The following GTPBP1 variants were observed in gnomAD, a reference collection of about 807,000 sequenced individuals.
GTPBP1 encodes GTP binding protein 1, also known as GTP-binding protein 1.
GTPBP1 carries 23 observed loss-of-function variants against 62.0 expected under a neutral mutation model. The ratio of observed to expected loss-of-function variants is 0.37; its 90% CI spans 0.27 to 0.53. GTPBP1 has a LOEUF of 0.53. Ranked by LOEUF, GTPBP1 falls within the 20% of genes least tolerant of loss-of-function variation. GTPBP1 has a pLI of 0.89. For missense variants in GTPBP1, 640 were observed against 917.3 expected (o/e 0.70, Z 3.90); for synonymous variants, 344 against 364.4 (o/e 0.94, Z 0.64).
At chr22:38,738,293 A>AG, downstream of GTPBP1, 1 of 1,596,096 alleles carries the variant, frequency 6.3e-7, no homozygotes, top group Non-Finnish European at 8.6e-7. This position sits in a 1 kb window ranked among gnomAD's most constrained non-coding sequence, Gnocchi z 6.6. Flanking sequence ...GGAAGTGGGG[A>AG]GGGGCTGGAG....
At chr22:38,723,033 G>C in intron 5 of GTPBP1, 1 of 797,386 alleles carries the variant, frequency 1.3e-6, no homozygotes, top group Non-Finnish European at 2.3e-6. Flanking sequence ...GACAAGAGTG[G>C]GATGTTCATG....
intron 10 of GTPBP1, chr22:38,728,960 T>G (rs1397710596): frequency 6.5e-6 from 1 of 153,086 alleles, no homozygotes; most frequent in Non-Finnish European, 1.5e-5. Context: ...CTTGGTCTCT[T>G]CGGGAGGCCC....
rs1430393989 is a variant in GTPBP1 at position 38,716,242 on chromosome 22, T to C, written c.485+155T>C. ...AGACGTGGGCTCCTTGCTCTAATTCTGCACTTCCCTGTCACTTTGGGAAGA... is the reference window on the plus strand; with the variant it reads ...AGACGTGGGCTCCTTGCTCTAATTCCGCACTTCCCTGTCACTTTGGGAAGA... On this transcript the variant is annotated intron_variant, in intron 3 of 11. Coordinates refer to ENST00000216044, the MANE Select transcript of GTPBP1 (RefSeq NM_004286.5). The surrounding 1 kb of genome is among the most constrained non-coding windows in gnomAD (Gnocchi z 5.2). The C allele has an allele frequency of 1.5e-6, 1 of 648,880 alleles. No homozygotes were observed. Among genetic ancestry groups the C allele is most frequent in the East Asian group, 2.8e-5 (1 of 36,092 alleles). 40.2% of individuals were successfully genotyped at this position (648,880 alleles called of 1,614,324 possible).
chr22:38,717,786 G>A (rs914485815), intron 4 of GTPBP1, among the ~76,000 whole-genome samples: 1 of 152,174 alleles, frequency 6.6e-6, no homozygotes, highest in African/African-American at 2.4e-5. Context: ...GCTGAGGGGA[G>A]CGGCAAGGCC....
chr22:38,722,710 G>A, intron 5 of GTPBP1: 13 of 1,598,222 alleles, frequency 8.1e-6, no homozygotes, highest in Non-Finnish European at 1.1e-5. Flanking sequence ...TTCTTCTCTG[G>A]GGTGAGAAGG....
Position 38,708,869 on chromosome 22 carries a change from G to C in GTPBP1, c.217G>C (p.Glu73Gln). The stretch of plus-strand genomic sequence containing the variant: ...GCTGGTTCTAGTGAGCCCTACATCA[G>C]AGCAGTATGACAGCCTACTTCGGCA... ...SKLVLVSPTS[E>Q]QYDSLLRQMW... Residue 73 changes from glutamate (E) to glutamine (Q), a missense_variant, in exon 2 of 12, where the codon GAG becomes CAG. Physicochemically the swap from Glu to Gln is conservative, Grantham distance 29. Transcript: ENST00000216044. 6.2e-7 allele frequency: 1 copy of C among 1,609,778 alleles called. No homozygotes were observed. The highest frequency in any genetic ancestry group is 1.7e-5 in the Admixed American group (1 of 60,026).
chr22:38,734,232 G>A, downstream of GTPBP1: 1 of 452,620 alleles, frequency 2.2e-6, no homozygotes, highest in African/African-American at 2.0e-5. Context: ...ACGCGAACCA[G>A]GTCTGGGGAG....
At chr22:38,711,358 G>C (rs955636868) in intron 2 of GTPBP1, among the ~76,000 whole-genome samples, 1 of 152,132 alleles carries the variant, frequency 6.6e-6, no homozygotes, top group Non-Finnish European at 1.5e-5. Flanking sequence ...TGGCAGGCCT[G>C]GATTTGCCTA....
At chr22:38,724,487 G>C (rs1228868666) in intron 6 of GTPBP1, 76 bp downstream of exon 6, 1 of 846,146 alleles carries the variant, frequency 1.2e-6, no homozygotes, top group East Asian at 2.5e-5. Context: ...GCCTGGAATG[G>C]CTGTCAGTTT....
At chr22:38,721,062 A>G (rs1200493251) in intron 4 of GTPBP1, among the ~76,000 whole-genome samples, 1 of 151,932 alleles carries the variant, frequency 6.6e-6, no homozygotes, top group Admixed American at 6.6e-5. Flanking sequence ...ATCCTGCCAC[A>G]CCCAGTCAAT....
chr22:38,736,203 G>C (rs2092803293), downstream of GTPBP1: 2 of 1,471,598 alleles, frequency 1.4e-6, no homozygotes, highest in African/African-American at 2.8e-5. Context: ...AAGCGTGTGG[G>C]GGAAGCGGCG....
chr22:38,737,919 T>C, downstream of GTPBP1: 1 of 667,690 alleles, frequency 1.5e-6, no homozygotes, highest in East Asian at 3.1e-5. This position sits in a 1 kb window ranked among gnomAD's most constrained non-coding sequence, Gnocchi z 4.1. Flanking sequence ...ACCCCTCTTG[T>C]GTAAAGCCCA....
In GTPBP1 at chr22:38,728,131, C is replaced by T; in HGVS notation, c.1686C>T (p.Gly562=). The T allele has an allele frequency of 6.2e-7, 1 of 1,613,686 alleles. No individual in the cohort carries two copies. The highest frequency in any genetic ancestry group is 1.1e-5 in the South Asian group (1 of 91,080). ...HIDQRLVFRE[G]RTKAVGTITK... is the part of the protein sequence containing the mutation. ...ACCAGCGGCTGGTGTTCCGGGAAGG[C>T]CGCACCAAGGCTGTCGGCACCATCA... is the stretch of plus-strand genomic sequence containing the variant. The change falls in exon 10 of 12, where the codon GGC becomes GGT. Residue 562 remains glycine, a synonymous_variant. Coordinates refer to ENST00000216044, the MANE Select transcript of GTPBP1 (RefSeq NM_004286.5).
At chr22:38,722,835 C>T in intron 5 of GTPBP1, 1 of 1,561,356 alleles carries the variant, frequency 6.4e-7, no homozygotes, top group Admixed American at 1.7e-5. Flanking sequence ...GCAGACTTCT[C>T]CATGGGTTTC....
intron 2 of GTPBP1, among the ~76,000 whole-genome samples, chr22:38,713,643 G>A (rs958369215): frequency 6.6e-6 from 1 of 152,182 alleles, no homozygotes; most frequent in Non-Finnish European, 1.5e-5. Context: ...TCTGGTTTTG[G>A]AATCTGAAGA....
At chr22:38,707,895 G>A (rs552780403) in intron 1 of GTPBP1, among the ~76,000 whole-genome samples, 3 of 152,174 alleles carry the variant, frequency 2.0e-5, no homozygotes, top group Non-Finnish European at 4.4e-5. Context: ...GAAGCGAAAG[G>A]TTCATGTCCT....
At chr22:38,723,546 G>A in intron 5 of GTPBP1, 1 of 607,804 alleles carries the variant, frequency 1.6e-6, no homozygotes, top group Non-Finnish European at 2.9e-6. Flanking sequence ...CTTGTACTTA[G>A]GTCTTGGCCT....
chr22:38,712,862 G>A (rs138450789), intron 2 of GTPBP1, among the ~76,000 whole-genome samples: 69 of 152,226 alleles, frequency 4.5e-4, no homozygotes, highest in Non-Finnish European at 8.4e-4. Flanking sequence ...TCACTTTGCC[G>A]TGCATTTAGA....
Position 38,726,524 on chromosome 22 carries a change from C to A in GTPBP1, c.1401+84C>A. 8.6e-7 allele frequency: 1 copy of A among 1,157,904 alleles called. No homozygotes were observed. Among genetic ancestry groups the A allele is most frequent in the Non-Finnish European group, 1.3e-6 (1 of 788,390 alleles). The allele number at this position is 1,157,904 out of a possible 1,614,324, so 71.7% of individuals were successfully genotyped here. A position where few individuals can be genotyped will look rare whatever the true frequency, so the allele number is the denominator to read the frequency against. ...AGATGCCCTGCTCACCCACTCTAGTCCTCATGGCTGCTCTGCAAGGTCGGG... is the reference window on the plus strand; with the variant it reads ...AGATGCCCTGCTCACCCACTCTAGTACTCATGGCTGCTCTGCAAGGTCGGG... On this transcript the variant is annotated intron_variant, in intron 8 of 11. Transcript: ENST00000216044. This position sits in a 1 kb window ranked among gnomAD's most constrained non-coding sequence, Gnocchi z 4.1.
Sources: allele counts gnomAD v4.1 joint callset (sites outside exome capture counted in the v4.1 genomes callset), GRCh38; gene constraint gnomAD v4.1.1; non-coding constraint Gnocchi (gnomAD v3.1); transcripts MANE v1.5; gene names NCBI Gene and HGNC (gene_info 2026-07-23, HGNC 2026-07-21).